Variants in FARP2 observed in about 807,000 individuals in gnomAD.
FARP2 encodes the protein FERM, ARHGEF and pleckstrin domain-containing protein 2.
In FARP2, 111 loss-of-function variants were observed where a neutral mutation model predicts 130.5. The observed-to-expected ratio is 0.85, with a 90% confidence interval of 0.73 to 1.00. FARP2 has a LOEUF of 1.00. Among genes scored for constraint, FARP2 ranks in the 50% least tolerant of loss-of-function variants. FARP2 has a pLI of 0.00. For missense variants in FARP2, 1,385 were observed against 1,346.3 expected (o/e 1.03, Z -0.45); for synonymous variants, 504 against 516.9 (o/e 0.98, Z 0.34).
intron 18 of FARP2, among the ~76,000 whole-genome samples, chr2:241,474,034 C>T (rs527616560): frequency 4.7e-4 from 72 of 152,050 alleles, no homozygotes; most frequent in Middle Eastern, 3.4e-3. Flanking sequence ...AGGCCGGGCG[C>T]GGTGGCTCAC....
intron 8 of FARP2, among the ~76,000 whole-genome samples, chr2:241,419,684 A>G (rs2062758914): frequency 6.6e-6 from 1 of 152,178 alleles, no homozygotes. Flanking sequence ...TTCAGCGGCA[A>G]AGTCACAGTG....
At chr2:241,407,991 T>C (rs2062407537) in intron 5 of FARP2, among the ~76,000 whole-genome samples, 1 of 152,182 alleles carries the variant, frequency 6.6e-6, no homozygotes, top group Admixed American at 6.5e-5. Context: ...AGTGTGTTAG[T>C]TCTTATGGAT....
chr2:241,462,496 A>G (rs374346479), intron 14 of FARP2, 27 bp from the exon 15 acceptor site: 2 of 1,572,874 alleles, frequency 1.3e-6, no homozygotes, highest in Admixed American at 1.7e-5. Context: ...CCAGGGACGC[A>G]CACTTACAGC....
At chr2:241,404,578 T>C (rs893228066) in intron 3 of FARP2, among the ~76,000 whole-genome samples, 3 of 152,232 alleles carry the variant, frequency 2.0e-5, no homozygotes, top group African/African-American at 4.8e-5. Flanking sequence ...CCCAGTATCA[T>C]ATAGCAATTT....
At chr2:241,392,511 T>A (rs1481346939) in intron 2 of FARP2, among the ~76,000 whole-genome samples, 3 of 152,238 alleles carry the variant, frequency 2.0e-5, no homozygotes, top group Non-Finnish European at 4.4e-5. Flanking sequence ...ATGAATCCAT[T>A]GATACATAAG....
intron 2 of FARP2, among the ~76,000 whole-genome samples, chr2:241,379,422 A>C (rs1198923193): frequency 6.6e-6 from 1 of 152,176 alleles, no homozygotes; most frequent in Non-Finnish European, 1.5e-5. Flanking sequence ...TTTCTTCATT[A>C]TTGTTCATCT....
intron 13 of FARP2, among the ~76,000 whole-genome samples, chr2:241,449,624 T>G (rs2063598637): frequency 6.6e-6 from 1 of 152,206 alleles, no homozygotes; most frequent in African/African-American, 2.4e-5. Flanking sequence ...TTAATTAACA[T>G]TGTGATTTTT....
At chr2:241,478,585 T>C (rs577405697) in intron 19 of FARP2, 1 of 500,322 alleles carries the variant, frequency 2.0e-6, no homozygotes, top group East Asian at 5.5e-5. Flanking sequence ...CCACCTATTT[T>C]GGGCCTGTGT....
intron 21 of FARP2, chr2:241,488,164 G>C (rs1438098787): frequency 1.4e-5 from 2 of 144,344 alleles, no homozygotes; most frequent in African/African-American, 4.9e-5. Context: ...CAAACTGGAA[G>C]TGAAAAACAG....
At chr2:241,368,664 G>A (rs2061365487) in intron 1 of FARP2, among the ~76,000 whole-genome samples, 1 of 151,982 alleles carries the variant, frequency 6.6e-6, no homozygotes, top group South Asian at 2.1e-4. Context: ...TAGAGATAGA[G>A]TCTCACTATG....
chr2:241,463,196 A>G (rs1023258689), intron 15 of FARP2, 139 bp from the exon 16 acceptor site: 30 of 753,690 alleles, frequency 4.0e-5, no homozygotes, highest in Admixed American at 1.1e-4. Context: ...GGATGGCTGT[A>G]GTGCTGATCT....
rs762634266 is a variant in FARP2 at position 241,434,953 on chromosome 2, T to C, written c.1032-9T>C. On this transcript the variant is annotated splice_polypyrimidine_tract_variant and intron_variant, in intron 10 of 26. Coordinates refer to ENST00000264042, the MANE Select transcript of FARP2 (RefSeq NM_014808.4). ...GTTCTTTATTAAAAATCTGAATCTT[T>C]ATTCACAGTGGAAGAACTCAGAAAC... 6.6e-7 allele frequency: 1 copy of C among 1,512,382 alleles called. No homozygotes were observed. Among genetic ancestry groups the C allele is most frequent in the Non-Finnish European group, 9.1e-7 (1 of 1,097,430 alleles). The allele number at this position is 1,512,382 out of a possible 1,614,324, so 93.7% of individuals were successfully genotyped here. A position where few individuals can be genotyped will look rare whatever the true frequency, so the allele number is the denominator to read the frequency against.
chr2:241,435,054 A>G (rs2063189556), intron 11 of FARP2, 24 bp downstream of exon 11: 3 of 1,382,772 alleles, frequency 2.2e-6, no homozygotes, highest in East Asian at 2.3e-5. Flanking sequence ...TTTATGATGT[A>G]AAGTGTGTGC....
At chr2:241,394,924 T>C (rs2150334354) in intron 2 of FARP2, among the ~76,000 whole-genome samples, 1 of 152,290 alleles carries the variant, frequency 6.6e-6, no homozygotes, top group South Asian at 2.1e-4. Flanking sequence ...GCCCTCGCTG[T>C]GTGTGATGTT....
rs567490351 is a variant in FARP2 at position 241,455,927 on chromosome 2, G to A, written c.1412-820G>A. Among the ~76,000 whole-genome samples the A allele has an allele frequency of 5.3e-5, 8 of 151,992 alleles. No homozygotes were observed. The East Asian group carries it at 1.2e-3, about 22-fold the overall frequency. Reference sequence around the variant, plus strand: ...GCTAATTTTTTGTATTTTTAGTAGAGATGGGGTTTCACCGTGTTAGCGAGG... The same window carrying A: ...GCTAATTTTTTGTATTTTTAGTAGAAATGGGGTTTCACCGTGTTAGCGAGG... On this transcript the variant is annotated intron_variant, in intron 13 of 26. Transcript: ENST00000264042.
chr2:241,356,968 T>TG (rs2061083100), intron 1 of FARP2, among the ~76,000 whole-genome samples: 1 of 152,260 alleles, frequency 6.6e-6, no homozygotes, highest in African/African-American at 2.4e-5. Flanking sequence ...CATAAGCCAG[T>TG]GGGTAGCCTT....
intron 12 of FARP2, among the ~76,000 whole-genome samples, chr2:241,439,422 C>T (rs954843676): frequency 4.0e-5 from 6 of 151,876 alleles, no homozygotes; most frequent in Non-Finnish European, 8.8e-5. Context: ...CTCCACCTCC[C>T]GGGTTCAAGT....
Position 241,382,999 on chromosome 2 carries a change from G to A in FARP2, c.183+9709G>A, listed in dbSNP as rs569289653. Among the ~76,000 whole-genome samples the A allele has an allele frequency of 5.3e-5, 8 of 152,338 alleles. No homozygotes were observed. In the East Asian group the frequency reaches 1.5e-3, roughly 29 times the overall value. On this transcript the variant is annotated intron_variant, in intron 2 of 26. Coordinates refer to ENST00000264042, the MANE Select transcript of FARP2 (RefSeq NM_014808.4). Reference sequence around the variant, plus strand: ...AATAAAAAAGGAAATAAGAATCGAGGAGTGCTGGAGACTTCGCAGAAAGTG... The same window carrying A: ...AATAAAAAAGGAAATAAGAATCGAGAAGTGCTGGAGACTTCGCAGAAAGTG...
chr2:241,422,541 A>G (rs890020598), intron 8 of FARP2, among the ~76,000 whole-genome samples: 1 of 152,212 alleles, frequency 6.6e-6, no homozygotes. Context: ...TGAACACTCA[A>G]AAAGTCAGAG....
Sources: allele counts gnomAD v4.1 joint callset (sites outside exome capture counted in the v4.1 genomes callset), GRCh38; gene constraint gnomAD v4.1.1; transcripts MANE v1.5; gene names NCBI Gene and HGNC (gene_info 2026-07-23, HGNC 2026-07-21).